TRDN: variants seen among roughly 807,000 people sequenced by gnomAD.
The protein encoded by TRDN is triadin in skeletal muscle.
In TRDN, 161 loss-of-function variants were observed where a neutral mutation model predicts 149.7. The ratio of observed to expected loss-of-function variants is 1.08; its 90% confidence interval spans 0.95 to 1.23. The LOEUF (loss-of-function observed/expected upper bound fraction) is 1.23. Among genes scored for constraint, TRDN ranks in the 50% most tolerant of loss-of-function variants. The pLI, the probability that TRDN is intolerant of heterozygous loss-of-function variation, is 0.00. For synonymous variants in TRDN, 294 were observed against 250.5 expected, an observed-to-expected ratio of 1.17 and a Z score of -1.64; for missense variants, 896 against 823.5, an observed-to-expected ratio of 1.09 and a Z score of -1.08.
At chr6:123,320,704 T>C (rs1324391349) in intron 23 of TRDN, among the ~76,000 whole-genome samples, 1 of 152,114 alleles carries the variant, frequency 6.6e-6, no homozygotes, top group African/African-American at 2.4e-5. Context: ...AAAAACTGTA[T>C]AGCACACCAC....
intron 1 of TRDN, among the ~76,000 whole-genome samples, chr6:123,634,991 C>T (rs1367759863): frequency 1.3e-5 from 2 of 151,892 alleles, no homozygotes; most frequent in African/African-American, 4.8e-5. Flanking sequence ...AAGAATTTTC[C>T]TGTAAAAAGT....
chr6:123,418,309 GTGTGTGTGTGTA>G (rs1352749118), intron 12 of TRDN, among the ~76,000 whole-genome samples: 2 of 151,600 alleles, frequency 1.3e-5, no homozygotes, highest in African/African-American at 4.8e-5. Flanking sequence ...GTTTCATGCT[GTGTGTGTGTGTA>G]TGTGTGTGTG....
chr6:123,570,309 G>C (rs1038079919), intron 2 of TRDN, among the ~76,000 whole-genome samples: 11 of 152,176 alleles, frequency 7.2e-5, no homozygotes, highest in Non-Finnish European at 1.6e-4. Context: ...ACAGTCAATA[G>C]AGGGTGTCAT....
intron 23 of TRDN, among the ~76,000 whole-genome samples, chr6:123,325,682 C>T (rs1263742596): frequency 6.6e-6 from 1 of 151,992 alleles, no homozygotes; most frequent in Admixed American, 6.6e-5. Context: ...GACAAAACTC[C>T]ACCTTTTTAT....
At chr6:123,358,472 C>CTT (rs926899266) in intron 20 of TRDN, among the ~76,000 whole-genome samples, 2 of 144,730 alleles carry the variant, frequency 1.4e-5, no homozygotes. Flanking sequence ...TTAGCAGGTA[C>CTT]TTTTTTTTTT....
At chr6:123,561,663 A>G (rs1372183220) in intron 2 of TRDN, among the ~76,000 whole-genome samples, 1 of 152,066 alleles carries the variant, frequency 6.6e-6, no homozygotes, top group Non-Finnish European at 1.5e-5. Context: ...TATTCCATTT[A>G]GTTTTTCAAT....
At position 123,243,988 on chromosome 6, in the gene TRDN, A is replaced by G. The variant is rs114352172; in HGVS notation, c.1975+8424T>C. Reference sequence around the variant, plus strand: ...GAATTTATAGAACATTTTGTCAACAACTACAGAATATACAAGTTTCTCCAG... The same window carrying G: ...GAATTTATAGAACATTTTGTCAACAGCTACAGAATATACAAGTTTCTCCAG... On this transcript the variant is annotated intron_variant, in intron 38 of 40. Transcript: ENST00000334268. Among the ~76,000 whole-genome samples the G allele has an allele frequency of 5.7e-3, 864 of 152,302 alleles. 9 individuals are homozygous for G. Among genetic ancestry groups the G allele is most frequent in the African/African-American group, 0.02 (836 of 41,576 alleles).
chr6:123,622,397 T>C (rs1785444781), intron 1 of TRDN, among the ~76,000 whole-genome samples: 1 of 151,812 alleles, frequency 6.6e-6, no homozygotes, highest in South Asian at 2.1e-4. Context: ...ATCAACAATG[T>C]TTTTGGTAAA....
chr6:123,303,606 A>C lies in TRDN; in HGVS notation c.1510+12851T>G, dbSNP rs76630789. ...ATAAATAGGATGTTTTCAGTGAGGG[A>C]CTGAGTGAAAGGGGAAGATTCAAAA... On this transcript the variant is annotated intron_variant, in intron 24 of 40. Transcript: ENST00000334268. Among the ~76,000 whole-genome samples the C allele has an allele frequency of 2.9e-3, 442 of 152,264 alleles. 3 individuals are homozygous for C. The highest frequency in any genetic ancestry group is 9.9e-3 in the African/African-American group (412 of 41,570).
chr6:123,229,806 AC>A (rs1316499243), intron 38 of TRDN, among the ~76,000 whole-genome samples: 1 of 151,974 alleles, frequency 6.6e-6, no homozygotes, highest in Non-Finnish European at 1.5e-5. Context: ...CAGCCTCAGC[AC>A]CAATGGTAGG....
At chr6:123,248,602 T>C (rs1776269170) in intron 38 of TRDN, among the ~76,000 whole-genome samples, 1 of 151,718 alleles carries the variant, frequency 6.6e-6, no homozygotes, top group Non-Finnish European at 1.5e-5. Flanking sequence ...CACAACTACA[T>C]GCTAATTAAC....
At chr6:123,365,001 A>G (rs898348316) in intron 20 of TRDN, among the ~76,000 whole-genome samples, 2 of 152,234 alleles carry the variant, frequency 1.3e-5, no homozygotes, top group Non-Finnish European at 2.9e-5. Flanking sequence ...TGATAAATGA[A>G]TTACTCTGCC....
At chr6:123,380,447 G>T (rs140690742) in intron 16 of TRDN, among the ~76,000 whole-genome samples, 2 of 152,254 alleles carry the variant, frequency 1.3e-5, no homozygotes, top group African/African-American at 2.4e-5. Flanking sequence ...CTGCACACAC[G>T]TAAATCTGGA....
intron 24 of TRDN, among the ~76,000 whole-genome samples, chr6:123,282,764 C>A (rs1777630687): frequency 6.6e-6 from 1 of 151,796 alleles, no homozygotes; most frequent in Non-Finnish European, 1.5e-5. Flanking sequence ...TGTTCCTCAA[C>A]AGAGATTTAT....
chr6:123,437,810 A>G (rs1774655138), intron 12 of TRDN, among the ~76,000 whole-genome samples: 1 of 152,138 alleles, frequency 6.6e-6, no homozygotes, highest in African/African-American at 2.4e-5. Flanking sequence ...ACCAGCCATT[A>G]CAAACATTCC....
intron 4 of TRDN, among the ~76,000 whole-genome samples, chr6:123,542,866 G>GTC (rs1308933997): frequency 6.6e-6 from 1 of 150,490 alleles, no homozygotes; most frequent in Non-Finnish European, 1.5e-5. Flanking sequence ...TTGCGTGTGT[G>GTC]TGTGTGTGTG....
At chr6:123,324,964 T>C (rs1209531659) in intron 23 of TRDN, among the ~76,000 whole-genome samples, 1 of 152,146 alleles carries the variant, frequency 6.6e-6, no homozygotes, top group Non-Finnish European at 1.5e-5. Flanking sequence ...CTTCAGAAAA[T>C]GAGTAATCAT....
At chr6:123,554,774 T>C (rs998626395) in intron 2 of TRDN, among the ~76,000 whole-genome samples, 2 of 152,096 alleles carry the variant, frequency 1.3e-5, no homozygotes, top group African/African-American at 4.8e-5. Flanking sequence ...AAATCTGAAG[T>C]GGTGGGTCAG....
intron 23 of TRDN, among the ~76,000 whole-genome samples, chr6:123,324,140 G>T (rs962693445): frequency 1.3e-5 from 2 of 152,118 alleles, no homozygotes; most frequent in African/African-American, 2.4e-5. Context: ...TTACTGAGGG[G>T]AAGTCACTAG....
Sources: allele counts gnomAD v4.1 joint callset (sites outside exome capture counted in the v4.1 genomes callset), GRCh38; gene constraint gnomAD v4.1.1; transcripts MANE v1.5; gene names NCBI Gene and HGNC (gene_info 2026-07-23, HGNC 2026-07-21).